Variants in SPRY3 observed in about 807,000 individuals in gnomAD.
SPRY3 encodes protein sprouty homolog 3.
Under a neutral mutation model 20.2 loss-of-function variants are expected in SPRY3, and 15 were observed. That is an observed-to-expected ratio of 0.74 (90% CI 0.50 to 1.14). The LOEUF is 1.14. SPRY3 is among the 50% of genes most tolerant of loss of function. The pLI is 0.00. For synonymous variants in SPRY3, 143 were observed against 136.5 expected, an observed-to-expected ratio of 1.05 and a Z score of -0.33; for missense variants, 364 against 363.9, an observed-to-expected ratio of 1.00 and a Z score of 0.00.
intron 1 of SPRY3, among the ~76,000 whole-genome samples, chrX:155,644,312 C>T (rs1464231862): frequency 7.3e-5 from 8 of 108,884 alleles, no homozygotes; most frequent in African/African-American, 1.0e-4. Flanking sequence ...TGGGTCTTGC[C>T]CAAGGCCTGC....
chrX:155,721,060 A>C lies in SPRY3; in HGVS notation c.-281-46902A>C, dbSNP rs1163927166. Among the ~76,000 whole-genome samples the C allele has an allele frequency of 5.9e-5, 9 of 152,342 alleles. No homozygotes were observed. The East Asian group carries it at 1.7e-3, about 29-fold the overall frequency. On this transcript the variant is annotated intron_variant, in intron 2 of 3. Transcript: ENST00000675360. ...ATGAGATAACACAGAGAAGGAATTC[A>C]GAATTATATCAGATAAACTTAACAC...
At chrX:155,773,666 T>A in intron 3 of SPRY3, 100 bp from the exon 3 acceptor site, 1 of 605,514 alleles carries the variant, frequency 1.7e-6, no homozygotes, top group East Asian at 2.7e-5. Context: ...GTAAAGTAAT[T>A]GAAGGTAGTG....
intron 2 of SPRY3, among the ~76,000 whole-genome samples, chrX:155,750,693 G>T (rs972565290): frequency 6.6e-6 from 1 of 151,792 alleles, no homozygotes; most frequent in African/African-American, 2.4e-5. Context: ...TCAGTTAAGA[G>T]TGAGAATGGA....
chrX:155,651,229 G>A (rs1282187252), intron 1 of SPRY3, among the ~76,000 whole-genome samples: 3 of 109,647 alleles, frequency 2.7e-5, no homozygotes, highest in East Asian at 2.9e-4. Flanking sequence ...TACCACACCC[G>A]GCTAATTTTT....
At chrX:155,767,072 C>G (rs1176056511) in intron 2 of SPRY3, among the ~76,000 whole-genome samples, 1 of 152,070 alleles carries the variant, frequency 6.6e-6, no homozygotes, top group Non-Finnish European at 1.5e-5. Flanking sequence ...CACCCCACCC[C>G]CACGTTCCTT....
At chrX:155,717,560 C>T (rs192512487) in intron 2 of SPRY3, among the ~76,000 whole-genome samples, 20 of 152,104 alleles carry the variant, frequency 1.3e-4, no homozygotes, top group African/African-American at 4.6e-4. Flanking sequence ...TCCTCTTGCC[C>T]CCCACCCCCT....
intron 2 of SPRY3, among the ~76,000 whole-genome samples, chrX:155,704,545 A>T (rs1193182830): frequency 6.6e-6 from 1 of 151,754 alleles, no homozygotes; most frequent in Non-Finnish European, 1.5e-5. Context: ...AAATGTTCTA[A>T]CATTCATGTA....
chrX:155,737,747 T>G (rs1285167524), intron 2 of SPRY3, among the ~76,000 whole-genome samples: 3 of 152,078 alleles, frequency 2.0e-5, no homozygotes, highest in African/African-American at 7.2e-5. Context: ...ACCCAAATCA[T>G]GTGAAGCCTT....
At chrX:155,655,560 A>T (rs1170560794) in intron 1 of SPRY3, among the ~76,000 whole-genome samples, 1 of 111,589 alleles carries the variant, frequency 9.0e-6, no homozygotes, top group Admixed American at 9.5e-5. Flanking sequence ...GTCCAGGTTC[A>T]TTCTTCTGCG....
intron 2 of SPRY3, among the ~76,000 whole-genome samples, chrX:155,751,659 C>T (rs905354500): frequency 2.0e-5 from 3 of 151,602 alleles, no homozygotes; most frequent in Non-Finnish European, 4.4e-5. Context: ...GTTGGTCAGA[C>T]ACAAATATGA....
intron 2 of SPRY3, among the ~76,000 whole-genome samples, chrX:155,727,148 T>A (rs1375708071): frequency 6.6e-6 from 1 of 152,212 alleles, no homozygotes; most frequent in African/African-American, 2.4e-5. Flanking sequence ...CCTTCTGGCT[T>A]GTAGGGTTTC....
chrX:155,716,709 T>C (rs1478888765), intron 2 of SPRY3, among the ~76,000 whole-genome samples: 1 of 152,038 alleles, frequency 6.6e-6, no homozygotes, highest in Non-Finnish European at 1.5e-5. Flanking sequence ...ATCATAACTT[T>C]TTTTTAATCC....
intron 2 of SPRY3, among the ~76,000 whole-genome samples, chrX:155,686,539 T>G (rs750113396): frequency 3.6e-5 from 4 of 111,825 alleles, no homozygotes; most frequent in Non-Finnish European, 7.5e-5. Context: ...ATAGTTAGTA[T>G]CAAATCCATG....
chrX:155,718,606 A>G (rs1402195172), intron 2 of SPRY3, among the ~76,000 whole-genome samples: 1 of 152,166 alleles, frequency 6.6e-6, no homozygotes, highest in African/African-American at 2.4e-5. Context: ...ATAAAGACAC[A>G]CCACAGATAC....
chrX:155,678,057 C>A (rs1259646300), intron 2 of SPRY3, among the ~76,000 whole-genome samples: 3 of 111,327 alleles, frequency 2.7e-5, no homozygotes, highest in Non-Finnish European at 5.7e-5. Flanking sequence ...CCCTTCCACA[C>A]AAGCTTGTGC....
intron 2 of SPRY3, among the ~76,000 whole-genome samples, chrX:155,734,025 G>A (rs1323350194): frequency 2.0e-5 from 3 of 152,124 alleles, no homozygotes; most frequent in Non-Finnish European, 4.4e-5. Flanking sequence ...CTCCGGATAA[G>A]CAATAAGGCT....
At chrX:155,704,085 C>T (rs1161923358) in intron 2 of SPRY3, among the ~76,000 whole-genome samples, 1 of 151,828 alleles carries the variant, frequency 6.6e-6, no homozygotes, top group East Asian at 1.9e-4. Context: ...TCCTACCCAA[C>T]TTATTCAACT....
chrX:155,765,887 G>A (rs2091324999), intron 2 of SPRY3, among the ~76,000 whole-genome samples: 1 of 152,192 alleles, frequency 6.6e-6, no homozygotes, highest in Non-Finnish European at 1.5e-5. Context: ...TGCCAGAGAG[G>A]TTAATTGAAT....
chrX:155,652,981 C>T (rs985108151), intron 1 of SPRY3, among the ~76,000 whole-genome samples: 1 of 111,733 alleles, frequency 8.9e-6, no homozygotes, highest in Admixed American at 9.5e-5. Flanking sequence ...TATTGAGCCT[C>T]TTTTCATGTG....
Sources: allele counts gnomAD v4.1 joint callset (sites outside exome capture counted in the v4.1 genomes callset), GRCh38; gene constraint gnomAD v4.1.1; transcripts MANE v1.5; gene names NCBI Gene and HGNC (gene_info 2026-07-23, HGNC 2026-07-21).